Variants in INSL6 observed in about 807,000 individuals in gnomAD.
INSL6 encodes insulin-like peptide INSL6.
A neutral mutation model predicts 9.4 loss-of-function variants in INSL6; 16 were observed. The ratio of observed to expected loss-of-function variants is 1.70; its 90% CI spans 1.15 to 2.59. INSL6 has a LOEUF of 2.59. INSL6 is among the 30% of genes most tolerant of loss of function. INSL6 has a pLI of 0.00. For missense variants in INSL6, 391 were observed against 257.3 expected (o/e 1.52, Z -3.56); for synonymous variants, 154 against 96.9 (o/e 1.59, Z -3.46).
the INSL6 span, among the ~76,000 whole-genome samples, chr9:5,060,284 A>G: frequency 6.6e-5 from 10 of 152,104 alleles, no homozygotes; most frequent in African/African-American, 1.9e-4. Flanking sequence ...GGCCAAAGCA[A>G]TTTCTTAAGA....
chr9:5,109,579 A>T, the INSL6 span: 1 of 152,148 alleles, frequency 6.6e-6, no homozygotes, highest in Non-Finnish European at 1.5e-5. Flanking sequence ...GCAAAAGAAG[A>T]TTCATACCCA....
At chr9:5,125,470 T>C (rs1397417741) in intron 3 of INSL6, among the ~76,000 whole-genome samples, 2 of 151,466 alleles carry the variant, frequency 1.3e-5, no homozygotes, top group African/African-American at 4.8e-5. Flanking sequence ...TCAGTGAACA[T>C]AGTGAACATC....
chr9:5,185,002 G>A (rs1023111772), intron 1 of INSL6, among the ~76,000 whole-genome samples: 4 of 152,044 alleles, frequency 2.6e-5, no homozygotes, highest in Non-Finnish European at 5.9e-5. Flanking sequence ...GACTTCACAG[G>A]GAAAATGATA....
intron 2 of INSL6, among the ~76,000 whole-genome samples, chr9:5,152,649 A>T (rs79372822): frequency 0.021 from 3,250 of 152,328 alleles, 68 homozygotes; most frequent in Non-Finnish European, 0.037. Flanking sequence ...CTTGATAATC[A>T]GGAGGAAATA....
chr9:5,034,764 T>C, the INSL6 span, among the ~76,000 whole-genome samples: 1 of 151,906 alleles, frequency 6.6e-6, no homozygotes, highest in South Asian at 2.1e-4. Context: ...TTTATAGCAC[T>C]AAAGGCCCAC....
At chr9:5,160,689 G>A (rs1428123414), downstream of INSL6, among the ~76,000 whole-genome samples, 2 of 152,064 alleles carry the variant, frequency 1.3e-5, no homozygotes, top group Admixed American at 6.6e-5. Context: ...CTGACAAAAT[G>A]TTAGCCAGAC....
At chr9:5,072,470 C>A in the INSL6 span, 1 of 1,496,104 alleles carries the variant, frequency 6.7e-7, no homozygotes, top group Admixed American at 2.2e-5. Context: ...TCATTCTTTT[C>A]TTTTACCTTT....
At chr9:5,100,017 A>C in the INSL6 span, 7 of 152,228 alleles carry the variant, frequency 4.6e-5, no homozygotes, top group African/African-American at 1.7e-4. Flanking sequence ...TTCAACCAAT[A>C]GCATTAGCTG....
chr9:5,036,993 A>G, the INSL6 span, among the ~76,000 whole-genome samples: 2 of 152,214 alleles, frequency 1.3e-5, no homozygotes, highest in Non-Finnish European at 2.9e-5. Flanking sequence ...CAGAATATAC[A>G]ATGAACTCTA....
At chr9:5,170,367 C>T (rs960805604) in intron 1 of INSL6, among the ~76,000 whole-genome samples, 4 of 152,104 alleles carry the variant, frequency 2.6e-5, no homozygotes, top group African/African-American at 9.7e-5. Flanking sequence ...TAACAGGAAA[C>T]TTTATAGCGC....
the INSL6 span, among the ~76,000 whole-genome samples, chr9:5,013,989 C>T: frequency 1.3e-5 from 2 of 152,008 alleles, no homozygotes; most frequent in African/African-American, 4.8e-5. Context: ...TTCTAATCTA[C>T]TGCATTACTT....
At chr9:5,171,747 A>G (rs1564053283) in intron 1 of INSL6, among the ~76,000 whole-genome samples, 1 of 152,204 alleles carries the variant, frequency 6.6e-6, no homozygotes, top group Non-Finnish European at 1.5e-5. Flanking sequence ...CACAATTGCT[A>G]CAAAGAGAAT....
At chr9:5,032,134 C>T in the INSL6 span, among the ~76,000 whole-genome samples, 3 of 152,220 alleles carry the variant, frequency 2.0e-5, no homozygotes, top group South Asian at 6.2e-4. Flanking sequence ...CCTACGCCCA[C>T]GGAGCCTCGC....
At chr9:5,139,632 G>A (rs535381228) in intron 2 of INSL6, among the ~76,000 whole-genome samples, 1 of 152,258 alleles carries the variant, frequency 6.6e-6, no homozygotes, top group South Asian at 2.1e-4. Flanking sequence ...CTACTGGAGT[G>A]GTAGAAGAGA....
the INSL6 span, among the ~76,000 whole-genome samples, chr9:5,064,428 G>A: frequency 3.4e-4 from 52 of 151,374 alleles, 1 homozygote; most frequent in South Asian, 0.01. Context: ...TACTCATGAG[G>A]GTGAGGTGGG....
chr9:5,147,884 T>C (rs1250058440), intron 2 of INSL6, among the ~76,000 whole-genome samples: 1 of 152,234 alleles, frequency 6.6e-6, no homozygotes, highest in Non-Finnish European at 1.5e-5. Flanking sequence ...ACTTTTCTCC[T>C]CAATAAGTTC....
At chr9:5,090,527 T>G in the INSL6 span, 1 of 1,597,016 alleles carries the variant, frequency 6.3e-7, no homozygotes, top group Non-Finnish European at 8.5e-7. Context: ...AAAGAACGGA[T>G]AGATCACATA....
At chr9:5,080,106 C>A in the INSL6 span, 1 of 729,336 alleles carries the variant, frequency 1.4e-6, no homozygotes, top group Non-Finnish European at 2.2e-6. Context: ...CACATCCAAC[C>A]CCTCCAAAAT....
chr9:5,073,801 G>T, the INSL6 span: 2 of 1,514,104 alleles, frequency 1.3e-6, no homozygotes, highest in South Asian at 1.1e-5. Context: ...TAAAACTACA[G>T]GCTTTCTAAT....
Sources: gnomAD v4.1 joint callset for allele counts (sites outside exome capture counted in the v4.1 genomes callset) on GRCh38, gnomAD v4.1.1 for gene constraint, MANE v1.5 for transcripts, NCBI Gene and HGNC (gene_info 2026-07-23, HGNC 2026-07-21) for gene names.